The following FBRSL1 variants were observed in gnomAD, a reference collection of about 807,000 sequenced individuals.
The protein encoded by FBRSL1 is fibrosin like 1.
Under a neutral mutation model 89.6 loss-of-function variants are expected in FBRSL1, and 51 were observed. The observed-to-expected ratio is 0.57, with a 90% CI of 0.45 to 0.72. The LOEUF is 0.72. Ranked by LOEUF, FBRSL1 falls within the 30% of genes least tolerant of loss-of-function variation. FBRSL1 has a pLI of 0.00. For missense variants in FBRSL1, 1,618 were observed against 1,451.8 expected (o/e 1.11, Z -1.86); for synonymous variants, 779 against 681.1 (o/e 1.14, Z -2.24).
In FBRSL1 at chr12:132,546,892, G is replaced by T. The variant is rs989202155; in HGVS notation, c.616-1111G>T. 6.6e-6 allele frequency among the ~76,000 whole-genome samples: 1 copy of T among 152,246 alleles called. No individual in the cohort carries two copies. Among genetic ancestry groups the T allele is most frequent in the African/African-American group, 2.4e-5 (1 of 41,466 alleles). On this transcript the variant is annotated intron_variant, in intron 4 of 18. Coordinates refer to ENST00000680143, the MANE Select transcript of FBRSL1 (RefSeq NM_001367871.1). This position sits in a 1 kb window ranked among gnomAD's most constrained non-coding sequence, Gnocchi z 4.0. Reference sequence around the variant, plus strand: ...CTCCGTCGCTGAACACTCGGCAGCCGCGGCTGCACATGGAGGGTGGCTGTG... The same window carrying T: ...CTCCGTCGCTGAACACTCGGCAGCCTCGGCTGCACATGGAGGGTGGCTGTG...
rs11614048 is a variant in FBRSL1 at position 132,580,395 on chromosome 12, C to G, written c.1835-1044C>G. Reference sequence around the variant, plus strand: ...GAGCCACTGCGCCCGGCCAATTTCACCAGTATTTTTAAAGGAGCAGCTCTG... The same window carrying G: ...GAGCCACTGCGCCCGGCCAATTTCAGCAGTATTTTTAAAGGAGCAGCTCTG... On this transcript the variant is annotated intron_variant, in intron 15 of 18. Coordinates refer to ENST00000680143, the MANE Select transcript of FBRSL1 (RefSeq NM_001367871.1). Among the ~76,000 whole-genome samples, 974 of 151,700 alleles carry G rather than the reference C, an allele frequency of 6.4e-3. 8 individuals are homozygous for G. Among genetic ancestry groups the G allele is most frequent in the Non-Finnish European group, 6.3e-3 (430 of 67,970 alleles).
chr12:132,583,828 C>G lies in FBRSL1; in HGVS notation c.*50C>G. 1.9e-6 allele frequency: 2 copies of G among 1,074,550 alleles called. No homozygotes were observed. Among genetic ancestry groups the G allele is most frequent in the Non-Finnish European group, 2.3e-6 (2 of 859,664 alleles). 66.6% of individuals were successfully genotyped at this position (1,074,550 alleles called of 1,614,324 possible). ...GAGCGGAGCGCACCGCTGTCCGTCT[C>G]TCCATCAGTTCCTAGAACTCAAGCA... On this transcript the variant is annotated 3_prime_UTR_variant, in exon 19 of 19. Coordinates refer to ENST00000680143, the MANE Select transcript of FBRSL1 (RefSeq NM_001367871.1).
Position 132,518,072 on chromosome 12 carries a change from C to T in FBRSL1, c.490-7662C>T, listed in dbSNP as rs151018979. 7.9e-3 allele frequency among the ~76,000 whole-genome samples: 1,201 copies of T among 152,240 alleles called. 11 individuals are homozygous for T. The highest frequency in any genetic ancestry group is 0.028 in the African/African-American group (1,151 of 41,536). ...ATAGCTGCTGTTCCCACCCCTCCTC[C>T]GGCACACAGGACTGCACAGGCAGGG... On this transcript the variant is annotated intron_variant, in intron 2 of 18. Coordinates refer to ENST00000680143, the MANE Select transcript of FBRSL1 (RefSeq NM_001367871.1).
At chr12:132,491,241 G>A (rs2030882469) in intron 1 of FBRSL1, among the ~76,000 whole-genome samples, 1 of 152,242 alleles carries the variant, frequency 6.6e-6, no homozygotes, top group Non-Finnish European at 1.5e-5. Context: ...GGGAGGTGGT[G>A]ATAAAATGGA....
intron 2 of FBRSL1, among the ~76,000 whole-genome samples, chr12:132,515,899 C>CA (rs60767937): frequency 0.12 from 7,911 of 65,280 alleles, 583 homozygotes; most frequent in African/African-American, 0.15. Context: ...GACTCCGTCT[C>CA]AAAAAAAAAA....
chr12:132,583,606 C>T lies in FBRSL1; in HGVS notation c.2837C>T (p.Thr946Ile). Residue 946 changes from threonine (T) to isoleucine (I), a missense_variant, in exon 19 of 19, where the codon ACC becomes ATC. Thr to Ile is a moderately conservative substitution (Grantham distance 89, BLOSUM62 -1). Transcript: ENST00000680143. ...AALHNGLLAR[T>I]PPAAAALGAP... ...CTGCACAATGGGCTCCTGGCGCGGA[C>T]CCCGCCCGCCGCCGCCGCCCTCGGC... is the stretch of plus-strand genomic sequence containing the variant. The T allele has an allele frequency of 1.0e-6, 1 of 991,902 alleles. No homozygotes were observed. Among genetic ancestry groups the T allele is most frequent in the Non-Finnish European group, 1.2e-6 (1 of 835,502 alleles). 61.4% of individuals were successfully genotyped at this position (991,902 alleles called of 1,614,324 possible). A position where few individuals can be genotyped will look rare whatever the true frequency, so the allele number is the denominator to read the frequency against.
chr12:132,524,916 G>A (rs993361926), intron 2 of FBRSL1, among the ~76,000 whole-genome samples: 3 of 152,350 alleles, frequency 2.0e-5, no homozygotes, highest in South Asian at 2.1e-4. Context: ...CTGCGCCTCT[G>A]TTTTCTCATC....
chr12:132,549,318 C>CG (rs1469864558), intron 5 of FBRSL1, among the ~76,000 whole-genome samples: 1 of 152,162 alleles, frequency 6.6e-6, no homozygotes, highest in Admixed American at 6.5e-5. Context: ...CTGTTGGGGA[C>CG]GCGTCCTGGT....
At chr12:132,548,791 G>A (rs972279931) in intron 5 of FBRSL1, among the ~76,000 whole-genome samples, 1 of 152,226 alleles carries the variant, frequency 6.6e-6, no homozygotes, top group African/African-American at 2.4e-5. Flanking sequence ...CTGGACGGGG[G>A]TGAGGGCCCT....
intron 4 of FBRSL1, among the ~76,000 whole-genome samples, chr12:132,540,642 C>T (rs994785604): frequency 9.2e-5 from 14 of 152,224 alleles, no homozygotes; most frequent in Middle Eastern, 3.4e-3. Context: ...CCAGCCATCC[C>T]GTGGGCTTCC....
chr12:132,515,063 T>A (rs1182327637), intron 2 of FBRSL1, among the ~76,000 whole-genome samples: 3 of 152,134 alleles, frequency 2.0e-5, no homozygotes, highest in Non-Finnish European at 4.4e-5. Context: ...CAATATACCC[T>A]CTGTGAGTGC....
At chr12:132,537,364 C>T (rs936002321) in intron 4 of FBRSL1, among the ~76,000 whole-genome samples, 14 of 151,836 alleles carry the variant, frequency 9.2e-5, no homozygotes, top group Non-Finnish European at 1.5e-4. Context: ...CGTCCCATGG[C>T]GTCACAGCAC....
At chr12:132,580,844 C>G in intron 15 of FBRSL1, 1 of 985,482 alleles carries the variant, frequency 1.0e-6, no homozygotes, top group Non-Finnish European at 1.2e-6. Flanking sequence ...ACCAACAGCA[C>G]TGAATCCCCT....
At chr12:132,547,124 T>C (rs1181843579) in intron 4 of FBRSL1, among the ~76,000 whole-genome samples, 1 of 152,198 alleles carries the variant, frequency 6.6e-6, no homozygotes, top group African/African-American at 2.4e-5. Context: ...CAGTGTGTTC[T>C]TCGTAGAGCT....
intron 2 of FBRSL1, among the ~76,000 whole-genome samples, chr12:132,513,787 A>G (rs2034584480): frequency 6.6e-6 from 1 of 152,154 alleles, no homozygotes; most frequent in Non-Finnish European, 1.5e-5. Context: ...CGGTGGGGCC[A>G]ACCCCACGAG....
intron 1 of FBRSL1, among the ~76,000 whole-genome samples, chr12:132,491,601 C>G (rs1306483850): frequency 2.6e-5 from 4 of 152,258 alleles, no homozygotes; most frequent in Non-Finnish European, 5.9e-5. Flanking sequence ...GGGGGACCCT[C>G]ATCTGCTGGA....
chr12:132,547,874 G>T, intron 4 of FBRSL1, 129 bp from the exon 5 acceptor site: 1 of 959,024 alleles, frequency 1.0e-6, no homozygotes, highest in Admixed American at 2.2e-5. Flanking sequence ...GGGCCTGCTG[G>T]TACCTCCCTC....
intron 2 of FBRSL1, chr12:132,509,901 T>C (rs1176836470): frequency 4.1e-6 from 5 of 1,231,022 alleles, no homozygotes; most frequent in Non-Finnish European, 5.1e-6. Context: ...ACAGTGCTGC[T>C]GCCCCCGGCG....
At position 132,574,576 on chromosome 12, in the gene FBRSL1, T is replaced by G; in HGVS notation, c.1701+12T>G. On this transcript the variant is annotated intron_variant, in intron 14 of 18. Transcript: ENST00000680143. ...AGCAGAAGATAAAGGTGAGACCACC[T>G]GGGCTGGGGCAGGGCGCTTGTGAAC... The G allele has an allele frequency of 6.5e-7, 1 of 1,548,290 alleles. No homozygotes were observed. Among genetic ancestry groups the G allele is most frequent in the Non-Finnish European group, 8.7e-7 (1 of 1,146,308 alleles).
Sources: allele counts gnomAD v4.1 joint callset (sites outside exome capture counted in the v4.1 genomes callset), GRCh38; gene constraint gnomAD v4.1.1; non-coding constraint Gnocchi (gnomAD v3.1); transcripts MANE v1.5; gene names NCBI Gene and HGNC (gene_info 2026-07-23, HGNC 2026-07-21).